The following CDC42 variants were observed in gnomAD, a reference collection of about 807,000 sequenced individuals.
CDC42 encodes the protein cell division control protein 42 homolog.
A neutral mutation model predicts 20.8 loss-of-function variants in CDC42; 1 was observed. That is an observed-to-expected ratio of 0.05 (90% CI 0.02 to 0.23). The LOEUF (loss-of-function observed/expected upper bound fraction) is 0.23. Ranked by LOEUF, CDC42 falls within the 10% of genes least tolerant of loss-of-function variation. The pLI, the probability that CDC42 is intolerant of heterozygous loss-of-function variation, is 1.00. For synonymous variants in CDC42, 72 were observed against 84.8 expected (o/e 0.85, Z 0.83); for missense variants, 49 against 227.9 (o/e 0.21, Z 5.05).
intron 5 of CDC42, among the ~76,000 whole-genome samples, chr1:22,087,569 G>T (rs1395322386): frequency 6.6e-6 from 1 of 152,098 alleles, no homozygotes; most frequent in Non-Finnish European, 1.5e-5. Context: ...TCATGATATC[G>T]CTGATTCCGT....
chr1:22,070,978 A>C (rs1645483940), intron 1 of CDC42, among the ~76,000 whole-genome samples: 1 of 152,048 alleles, frequency 6.6e-6, no homozygotes, highest in South Asian at 2.1e-4. Flanking sequence ...TTGCTGAGAA[A>C]ATTAAATTTA....
intron 1 of CDC42, among the ~76,000 whole-genome samples, chr1:22,067,058 T>C (rs1455847476): frequency 6.6e-6 from 1 of 152,044 alleles, no homozygotes; most frequent in East Asian, 1.9e-4. Flanking sequence ...GCCTGGCACG[T>C]CTGGGGAGGT....
At chr1:22,061,543 T>C (rs1645364889) in intron 1 of CDC42, among the ~76,000 whole-genome samples, 1 of 111,776 alleles carries the variant, frequency 8.9e-6, no homozygotes, top group African/African-American at 3.4e-5. Context: ...TTTTTTTTTT[T>C]TTTTTTTTTT....
intron 1 of CDC42, among the ~76,000 whole-genome samples, chr1:22,074,558 A>C (rs751979248): frequency 3.3e-5 from 5 of 152,016 alleles, no homozygotes; most frequent in Non-Finnish European, 7.4e-5. Context: ...CAATCTGTGG[A>C]GTATCTGGTG....
chr1:22,055,078 C>T (rs1351662434), intron 1 of CDC42, among the ~76,000 whole-genome samples: 1 of 149,798 alleles, frequency 6.7e-6, no homozygotes, highest in Non-Finnish European at 1.5e-5. Flanking sequence ...CTCAGCCTCC[C>T]GAACAGCTGG....
intron 1 of CDC42, among the ~76,000 whole-genome samples, chr1:22,073,820 A>AT (rs71797961): frequency 0.011 from 1,666 of 150,212 alleles, 32 homozygotes; most frequent in African/African-American, 0.038. Flanking sequence ...CACCCAGCTA[A>AT]TTTTTTTTTT....
chr1:22,096,385 C>T lies in CDC42; in HGVS notation c.*4868C>T, dbSNP rs1240123973. Among the ~76,000 whole-genome samples the T allele has an allele frequency of 6.6e-6, 1 of 152,168 alleles. No homozygotes were observed. The highest frequency in any genetic ancestry group is 2.4e-5 in the African/African-American group (1 of 41,438). On this transcript the variant is annotated 3_prime_UTR_variant, in exon 6 of 6. Coordinates refer to ENST00000656825, the MANE Select transcript of CDC42 (RefSeq NM_001791.4). ...GACTTCTACTTGGAATTTTCTTTCCCTTACAGTTTTGATAGCTGCTTTCTC... is the reference window on the plus strand; with the variant it reads ...GACTTCTACTTGGAATTTTCTTTCCTTTACAGTTTTGATAGCTGCTTTCTC...
intron 1 of CDC42, among the ~76,000 whole-genome samples, chr1:22,059,862 A>G (rs895767450): frequency 1.4e-5 from 2 of 147,986 alleles, no homozygotes; most frequent in South Asian, 4.4e-4. Flanking sequence ...TTCAAGGGCC[A>G]GATTGAATTT....
At chr1:22,082,875 A>ATTTTTTTTTTTTTTTTTTTTTTTTTT in intron 3 of CDC42, among the ~76,000 whole-genome samples, 1 of 140,212 alleles carries the variant, frequency 7.1e-6, no homozygotes, top group Non-Finnish European at 1.5e-5. Context: ...CACAGAGAAA[A>ATTTTTTTTTTTTTTTTTTTTTTTTTT]TTTTTATTTT....
rs1645705688 is a variant in CDC42 at position 22,090,567 on chromosome 1, A to G, written c.487-861A>G. The stretch of plus-strand genomic sequence containing the variant: ...GCTTTGGCTGTCTGTGCTGTAGTGG[A>G]GTATTTGTCAGTCTGGGGTGGGGAA... On this transcript the variant is annotated intron_variant, in intron 5 of 5. Transcript: ENST00000656825. The G allele has an allele frequency of 3.0e-6, 3 of 986,194 alleles. No individual in the cohort carries two copies. The African/African-American group carries it at 5.2e-5, about 17-fold the overall frequency. 61.1% of individuals were successfully genotyped at this position (986,194 alleles called of 1,614,324 possible).
chr1:22,083,144 G>A (rs1348013830), intron 3 of CDC42, among the ~76,000 whole-genome samples: 3 of 152,010 alleles, frequency 2.0e-5, no homozygotes, highest in Non-Finnish European at 2.9e-5. Flanking sequence ...GCCTCCCAAA[G>A]TGCTGGGATT....
Position 22,095,146 on chromosome 1 carries a change from G to T in CDC42, c.*3629G>T, listed in dbSNP as rs1645747624. On this transcript the variant is annotated 3_prime_UTR_variant, in exon 6 of 6. Coordinates refer to ENST00000656825, the MANE Select transcript of CDC42 (RefSeq NM_001791.4). ...TTAGGGCATCTCTGAATGATTATTG[G>T]AGGGAAGTGGCTTTATGTCACACTT... 6.6e-6 allele frequency among the ~76,000 whole-genome samples: 1 copy of T among 152,180 alleles called. No individual in the cohort carries two copies. Among genetic ancestry groups the T allele is most frequent in the Non-Finnish European group, 1.5e-5 (1 of 68,038 alleles).
intron 3 of CDC42, among the ~76,000 whole-genome samples, chr1:22,085,641 A>C (rs1645654294): frequency 6.6e-6 from 1 of 152,172 alleles, no homozygotes; most frequent in African/African-American, 2.4e-5. Flanking sequence ...CCTCTGATTA[A>C]GTTAATTCTA....
chr1:22,065,701 C>T (rs1452780763), intron 1 of CDC42, among the ~76,000 whole-genome samples: 2 of 146,772 alleles, frequency 1.4e-5, no homozygotes. Flanking sequence ...TTGCCAGGAT[C>T]GTACACATTG....
intron 2 of CDC42, among the ~76,000 whole-genome samples, chr1:22,079,767 G>GT (rs1454549406): frequency 3.9e-5 from 6 of 152,128 alleles, no homozygotes; most frequent in Non-Finnish European, 8.8e-5. Context: ...GAATTTTTCT[G>GT]TTTCAGTCTC....
In CDC42 at chr1:22,091,340, C is replaced by T. The variant is rs1258979803; in HGVS notation, c.487-88C>T. The T allele has an allele frequency of 6.2e-5, 49 of 792,436 alleles. No homozygotes were observed. In the East Asian group the frequency reaches 1.2e-3, roughly 19 times the overall value. The allele number at this position is 792,436 out of a possible 1,614,324, so 49.1% of individuals were successfully genotyped here. On this transcript the variant is annotated intron_variant, in intron 5 of 5. Coordinates refer to ENST00000656825, the MANE Select transcript of CDC42 (RefSeq NM_001791.4). Reference sequence around the variant, plus strand: ...TTTAATGTTTCTTTCTTTGCCAACTCTTGGGGGTTTGAATGTTTTAAATTT... The same window carrying T: ...TTTAATGTTTCTTTCTTTGCCAACTTTTGGGGGTTTGAATGTTTTAAATTT...
intron 1 of CDC42, among the ~76,000 whole-genome samples, chr1:22,056,798 A>T (rs915029289): frequency 4.6e-5 from 7 of 152,384 alleles, no homozygotes; most frequent in Non-Finnish European, 1.0e-4. Flanking sequence ...GGCATTAGCC[A>T]TTATACTAAA....
intron 5 of CDC42, among the ~76,000 whole-genome samples, chr1:22,088,700 C>T (rs1283835335): frequency 6.6e-6 from 1 of 152,194 alleles, no homozygotes; most frequent in Non-Finnish European, 1.5e-5. Context: ...TTAAGGGATA[C>T]ACTCCAGTTT....
intron 3 of CDC42, among the ~76,000 whole-genome samples, chr1:22,085,011 C>T (rs1645646845): frequency 6.6e-6 from 1 of 152,004 alleles, no homozygotes; most frequent in Admixed American, 6.6e-5. Context: ...GTGGGCAGAT[C>T]ACCTGAGGTC....
Sources: gnomAD v4.1 joint callset for allele counts (sites outside exome capture counted in the v4.1 genomes callset) on GRCh38, gnomAD v4.1.1 for gene constraint, MANE v1.5 for transcripts, NCBI Gene and HGNC (gene_info 2026-07-23, HGNC 2026-07-21) for gene names.